Variants in ARL15 observed in about 807,000 individuals in gnomAD.
The protein encoded by ARL15 is ADP-ribosylation factor-like protein 15.
A neutral mutation model predicts 25.2 loss-of-function variants in ARL15; 19 were observed. That is an observed-to-expected ratio of 0.75 (90% CI 0.53 to 1.10). The LOEUF is 1.10. Among genes scored for constraint, ARL15 ranks in the 50% least tolerant of loss-of-function variants. The pLI, the probability that ARL15 is intolerant of heterozygous loss-of-function variation, is 0.00. For synonymous variants in ARL15, 94 were observed against 86.8 expected, an observed-to-expected ratio of 1.08 and a Z score of -0.46; for missense variants, 220 against 246.0, an observed-to-expected ratio of 0.89 and a Z score of 0.71.
intron 1 of ARL15, among the ~76,000 whole-genome samples, chr5:54,264,657 C>T (rs1368690119): frequency 6.6e-6 from 1 of 152,168 alleles, no homozygotes. Flanking sequence ...TCCTCAAACA[C>T]AGAATTGCTC....
At chr5:54,055,575 G>A (rs1750842326) in intron 4 of ARL15, among the ~76,000 whole-genome samples, 1 of 151,906 alleles carries the variant, frequency 6.6e-6, no homozygotes, top group Non-Finnish European at 1.5e-5. Flanking sequence ...TGGCTAGGCT[G>A]GTCTCAAACT....
At chr5:54,213,737 C>T (rs1579917149) in intron 1 of ARL15, among the ~76,000 whole-genome samples, 1 of 152,058 alleles carries the variant, frequency 6.6e-6, no homozygotes, top group Admixed American at 6.5e-5. Flanking sequence ...ATAAATGGGT[C>T]ATAATTTATC....
intron 4 of ARL15, among the ~76,000 whole-genome samples, chr5:54,028,709 C>CA (rs1209641287): frequency 6.6e-6 from 1 of 152,056 alleles, no homozygotes; most frequent in Non-Finnish European, 1.5e-5. Context: ...TAAGTGTAGT[C>CA]AATCAGAATT....
intron 4 of ARL15, among the ~76,000 whole-genome samples, chr5:54,073,022 G>C (rs1353362979): frequency 6.6e-6 from 1 of 152,118 alleles, no homozygotes; most frequent in Non-Finnish European, 1.5e-5. Flanking sequence ...AAGCCAAATT[G>C]GTTATGCATT....
chr5:54,302,682 G>GTTTTTT (rs1758644486), intron 1 of ARL15, among the ~76,000 whole-genome samples: 3 of 59,360 alleles, frequency 5.1e-5, no homozygotes, highest in Non-Finnish European at 9.4e-5. Context: ...CTAAAATTAA[G>GTTTTTT]ATTTTTTTTT....
intron 1 of ARL15, among the ~76,000 whole-genome samples, chr5:54,289,099 G>A (rs1308121523): frequency 6.6e-6 from 1 of 152,216 alleles, no homozygotes; most frequent in South Asian, 2.1e-4. Flanking sequence ...GGTGGCAAGT[G>A]TAGCATAGAT....
intron 4 of ARL15, among the ~76,000 whole-genome samples, chr5:54,013,058 C>A (rs975022333): frequency 1.3e-5 from 2 of 152,100 alleles, no homozygotes; most frequent in Admixed American, 1.3e-4. Flanking sequence ...CCTCAGCCTC[C>A]CAAAGTGCTG....
At chr5:53,939,771 G>T (rs1746476966) in intron 4 of ARL15, among the ~76,000 whole-genome samples, 1 of 151,872 alleles carries the variant, frequency 6.6e-6, no homozygotes, top group African/African-American at 2.4e-5. Flanking sequence ...GAAAGAAAAA[G>T]AAAGTTAGCT....
At chr5:54,301,945 G>T (rs1205379929) in intron 1 of ARL15, among the ~76,000 whole-genome samples, 1 of 152,254 alleles carries the variant, frequency 6.6e-6, no homozygotes, top group Non-Finnish European at 1.5e-5. Context: ...CAACTTTTCA[G>T]ATGGTGAGCT....
intron 4 of ARL15, among the ~76,000 whole-genome samples, chr5:53,965,520 T>C (rs1274258252): frequency 6.6e-6 from 1 of 152,152 alleles, no homozygotes; most frequent in Non-Finnish European, 1.5e-5. Flanking sequence ...TGTGTTGAAA[T>C]GCAGTGAAAG....
chr5:54,106,614 T>A (rs1033510483), intron 4 of ARL15, among the ~76,000 whole-genome samples: 5 of 152,184 alleles, frequency 3.3e-5, no homozygotes, highest in Non-Finnish European at 7.3e-5. Context: ...GCTACGTATA[T>A]AGTTGTTATA....
At chr5:53,943,663 T>C (rs994659793) in intron 4 of ARL15, among the ~76,000 whole-genome samples, 2 of 152,172 alleles carry the variant, frequency 1.3e-5, no homozygotes, top group Admixed American at 1.3e-4. Flanking sequence ...TGGCCAAGTC[T>C]GGTTGAGAAT....
At chr5:53,985,131 C>T (rs1748249990) in intron 4 of ARL15, among the ~76,000 whole-genome samples, 1 of 152,106 alleles carries the variant, frequency 6.6e-6, no homozygotes. Context: ...ATGTTGTACT[C>T]ACAATACCAA....
At chr5:54,035,270 A>G (rs557492581) in intron 4 of ARL15, among the ~76,000 whole-genome samples, 1 of 152,336 alleles carries the variant, frequency 6.6e-6, no homozygotes, top group African/African-American at 2.4e-5. Context: ...TAGTTATGAT[A>G]TCAAATAAAG....
At chr5:54,062,147 A>G (rs6890486) in intron 4 of ARL15, among the ~76,000 whole-genome samples, 47,603 of 152,086 alleles carry the variant, frequency 0.31, 10,002 homozygotes, top group African/African-American at 0.6. Flanking sequence ...GTATTTACCC[A>G]ATGCCTGTAC....
chr5:54,033,155 T>C (rs1470700042), intron 4 of ARL15, among the ~76,000 whole-genome samples: 3 of 146,740 alleles, frequency 2.0e-5, no homozygotes, highest in Non-Finnish European at 1.5e-5. Flanking sequence ...CTCTACTAAA[T>C]ACAAAAAATT....
intron 3 of ARL15, among the ~76,000 whole-genome samples, chr5:54,138,637 A>T (rs1256115552): frequency 6.6e-6 from 1 of 152,144 alleles, no homozygotes; most frequent in Non-Finnish European, 1.5e-5. Context: ...AAGACCCCAA[A>T]AGCAAATGCA....
At chr5:54,068,856 A>C (rs1328488129) in intron 4 of ARL15, among the ~76,000 whole-genome samples, 1 of 152,178 alleles carries the variant, frequency 6.6e-6, no homozygotes, top group East Asian at 1.9e-4. Context: ...AGCTCACTTC[A>C]CTGCTTGACT....
chr5:53,915,480 CATA>C (rs1388861994), intron 4 of ARL15, among the ~76,000 whole-genome samples: 1 of 152,156 alleles, frequency 6.6e-6, no homozygotes, highest in African/African-American at 2.4e-5. Context: ...TTTGAAAATT[CATA>C]ATATTTATAA....
Sources: gnomAD v4.1 joint callset for allele counts (sites outside exome capture counted in the v4.1 genomes callset) on GRCh38, gnomAD v4.1.1 for gene constraint, MANE v1.5 for transcripts, NCBI Gene and HGNC (gene_info 2026-07-23, HGNC 2026-07-21) for gene names.